Variants in IL1RAPL2 observed in about 807,000 individuals in gnomAD.
IL1RAPL2 encodes interleukin 1 receptor accessory protein like 2.
IL1RAPL2 carries 3 observed loss-of-function variants against 44.1 expected under a neutral mutation model. The ratio of observed to expected loss-of-function variants is 0.07; its 90% CI spans 0.03 to 0.18. The LOEUF (loss-of-function observed/expected upper bound fraction) is 0.18. IL1RAPL2 is among the 10% of genes least tolerant of loss of function. IL1RAPL2 has a pLI of 1.00. For synonymous variants in IL1RAPL2, 181 were observed against 178.8 expected (o/e 1.01, Z -0.10); for missense variants, 391 against 496.4 (o/e 0.79, Z 2.02).
At chrX:105,484,134 G>T (rs2036250099) in intron 5 of IL1RAPL2, among the ~76,000 whole-genome samples, 179 bp from the exon 6 acceptor site, 2 of 111,760 alleles carry the variant, frequency 1.8e-5, no homozygotes, top group Admixed American at 9.5e-5. Context: ...CTCTAAATGT[G>T]CTGGGAAATG....
intron 5 of IL1RAPL2, among the ~76,000 whole-genome samples, chrX:105,330,744 C>G (rs888067956): frequency 9.0e-5 from 10 of 111,372 alleles, no homozygotes; most frequent in African/African-American, 2.9e-4. Flanking sequence ...TGCCTCACAT[C>G]TCTCTCTGGA....
chrX:105,078,833 G>C (rs189483633), intron 2 of IL1RAPL2, among the ~76,000 whole-genome samples: 4 of 112,776 alleles, frequency 3.5e-5, no homozygotes, highest in Non-Finnish European at 7.5e-5. Flanking sequence ...CTCCAAGCCA[G>C]GTGCGGGATA....
At chrX:104,790,406 T>C (rs979995295) in intron 2 of IL1RAPL2, among the ~76,000 whole-genome samples, 1 of 111,122 alleles carries the variant, frequency 9.0e-6, no homozygotes, top group African/African-American at 3.3e-5. Context: ...CCCTCCTTTT[T>C]AAAGAGAGAC....
At chrX:105,551,248 C>T (rs995144678) in intron 6 of IL1RAPL2, among the ~76,000 whole-genome samples, 11 of 105,496 alleles carry the variant, frequency 1.0e-4, no homozygotes, top group African/African-American at 3.8e-4. Context: ...AAAAGTATCA[C>T]TGATGCTAAT....
At chrX:104,822,432 G>A (rs1921328575) in intron 2 of IL1RAPL2, among the ~76,000 whole-genome samples, 1 of 111,861 alleles carries the variant, frequency 8.9e-6, no homozygotes, top group African/African-American at 3.3e-5. Flanking sequence ...TGTATAAGGT[G>A]TAAGGAAGGG....
intron 1 of IL1RAPL2, among the ~76,000 whole-genome samples, chrX:104,645,292 AT>A (rs1930012020): frequency 9.0e-6 from 1 of 111,188 alleles, no homozygotes; most frequent in African/African-American, 3.3e-5. Context: ...AGTATCCTCA[AT>A]TTTTCACTAA....
intron 2 of IL1RAPL2, among the ~76,000 whole-genome samples, chrX:105,030,983 G>A (rs1366314421): frequency 9.1e-6 from 1 of 110,368 alleles, no homozygotes; most frequent in African/African-American, 3.3e-5. Context: ...GGATTCCTAG[G>A]TATTTTATTC....
intron 2 of IL1RAPL2, among the ~76,000 whole-genome samples, chrX:105,080,450 T>A (rs1025276745): frequency 8.9e-6 from 1 of 112,235 alleles, no homozygotes; most frequent in Admixed American, 9.5e-5. Context: ...TAGCCAGTTT[T>A]CCCAACACCA....
intron 5 of IL1RAPL2, among the ~76,000 whole-genome samples, chrX:105,478,926 GAAGAC>G (rs2036215320): frequency 8.9e-6 from 1 of 111,812 alleles, no homozygotes; most frequent in Non-Finnish European, 1.9e-5. Flanking sequence ...ATATAGTTAG[GAAGAC>G]AAGACATACC....
chrX:105,261,413 T>TCAGC (rs771667375), intron 4 of IL1RAPL2, among the ~76,000 whole-genome samples: 5 of 112,327 alleles, frequency 4.5e-5, no homozygotes, highest in African/African-American at 1.6e-4. Context: ...CTGCTTCTAG[T>TCAGC]CAGCCATCCT....
At chrX:105,044,625 A>C (rs1224337302) in intron 2 of IL1RAPL2, among the ~76,000 whole-genome samples, 1 of 111,530 alleles carries the variant, frequency 9.0e-6, no homozygotes, top group Non-Finnish European at 1.9e-5. Context: ...ATATCAAATA[A>C]ATTTTCAGGC....
At chrX:105,576,304 T>C in intron 6 of IL1RAPL2, among the ~76,000 whole-genome samples, 1 of 111,597 alleles carries the variant, frequency 9.0e-6, no homozygotes, top group Non-Finnish European at 1.9e-5. Context: ...TACATTTAAG[T>C]CTTTGATCCA....
intron 2 of IL1RAPL2, among the ~76,000 whole-genome samples, chrX:104,873,092 G>A (rs1298935857): frequency 9.0e-6 from 1 of 111,414 alleles, no homozygotes; most frequent in Non-Finnish European, 1.9e-5. Flanking sequence ...TAGTCAGTTT[G>A]GGCTGCTTTA....
rs183076706 is a variant in IL1RAPL2, at chrX:105,409,347, T to A, written c.698-74966T>A. On this transcript the variant is annotated intron_variant, in intron 5 of 10. Coordinates refer to ENST00000372582, the MANE Select transcript of IL1RAPL2 (RefSeq NM_017416.2). ...ATAGGTTAGGTGTTCTTTAAAAAAATTATATACATCTAACAATTATTTATT... is the reference window on the plus strand; with the variant it reads ...ATAGGTTAGGTGTTCTTTAAAAAAAATATATACATCTAACAATTATTTATT... Among the ~76,000 whole-genome samples, 9 of 111,803 alleles carry A rather than the reference T, an allele frequency of 8.0e-5. No individual in the cohort carries two copies. The East Asian group carries it at 2.5e-3, about 32-fold the overall frequency.
At chrX:105,554,277 A>G (rs1602465239) in intron 6 of IL1RAPL2, among the ~76,000 whole-genome samples, 1 of 112,941 alleles carries the variant, frequency 8.9e-6, no homozygotes, top group South Asian at 3.6e-4. Flanking sequence ...CCCTGCAGGC[A>G]AGGAAACTTA....
chrX:105,562,170 G>T (rs5916930), intron 6 of IL1RAPL2, among the ~76,000 whole-genome samples: 36,095 of 110,136 alleles, frequency 0.33, 4,473 homozygotes, highest in Middle Eastern at 0.39. Flanking sequence ...TTGTATTAAG[G>T]TAATAAACCA....
chrX:105,234,330 T>A (rs1556199071), intron 4 of IL1RAPL2, among the ~76,000 whole-genome samples: 1 of 112,059 alleles, frequency 8.9e-6, no homozygotes, highest in Non-Finnish European at 1.9e-5. Context: ...TATTATTTAC[T>A]GGTGGGAACA....
intron 5 of IL1RAPL2, among the ~76,000 whole-genome samples, chrX:105,438,938 C>T (rs2035900106): frequency 9.1e-6 from 1 of 110,478 alleles, no homozygotes; most frequent in African/African-American, 3.3e-5. Flanking sequence ...GAAGGTTATT[C>T]GATCATGGGG....
At chrX:105,219,608 C>T in intron 3 of IL1RAPL2, 1 of 1,210,473 alleles carries the variant, frequency 8.3e-7, no homozygotes, top group Non-Finnish European at 1.1e-6. Context: ...TCCCTCTGCT[C>T]TTCTTCTGCT....
Sources: allele counts gnomAD v4.1 joint callset (sites outside exome capture counted in the v4.1 genomes callset), GRCh38; gene constraint gnomAD v4.1.1; transcripts MANE v1.5; gene names NCBI Gene and HGNC (gene_info 2026-07-23, HGNC 2026-07-21).